RNF10: variants seen among roughly 807,000 people sequenced by gnomAD.
The protein encoded by RNF10 is E3 ubiquitin-protein ligase RNF10.
Under a neutral mutation model 91.4 loss-of-function variants are expected in RNF10, and 38 were observed. The ratio of observed to expected loss-of-function variants is 0.42; its 90% CI spans 0.32 to 0.54. RNF10 has a LOEUF of 0.54. RNF10 is among the 20% of genes least tolerant of loss of function. The probability of loss-of-function intolerance (pLI) is 0.16; values close to 1 mark genes in which losing one functional copy is unlikely to be tolerated. For missense variants in RNF10, 945 were observed against 1,012.0 expected, an observed-to-expected ratio of 0.93 and a Z score of 0.90; for synonymous variants, 364 against 366.3, an observed-to-expected ratio of 0.99 and a Z score of 0.07.
chr12:120,554,385 G>A lies in RNF10; in HGVS notation c.555-333G>A. On this transcript the variant is annotated intron_variant, in intron 3 of 16. Coordinates refer to ENST00000325954, the MANE Select transcript of RNF10 (RefSeq NM_014868.5). ...GCCTTGAAGACTAGCCATTTTCTGG[G>A]GTTCTAAGGGGTGAGAGAGGAAATC... The A allele has an allele frequency of 8.1e-6, 2 of 246,758 alleles. 1 individual carries two copies. Among genetic ancestry groups the A allele is most frequent in the South Asian group, 9.2e-5 (2 of 21,804 alleles). The allele number at this position is 246,758 out of a possible 1,614,324, so 15.3% of individuals were successfully genotyped here.
rs1874710946 is a variant in RNF10, at chr12:120,560,665, T to G, written c.968-61T>G. The G allele has an allele frequency of 2.1e-5, 32 of 1,518,556 alleles. 1 individual carries two copies. In the South Asian group the frequency reaches 3.9e-4, roughly 18 times the overall value. 94.1% of individuals were successfully genotyped at this position (1,518,556 alleles called of 1,614,324 possible). On this transcript the variant is annotated intron_variant, in intron 6 of 16. Coordinates refer to ENST00000325954, the MANE Select transcript of RNF10 (RefSeq NM_014868.5). ...AAGGCTGTATTTGAAAATTCCTATT[T>G]AGCTACACCATCGTGAGCTTTGAAT... is the stretch of plus-strand genomic sequence containing the variant.
chr12:120,552,623 G>A lies in RNF10; in HGVS notation c.479G>A (p.Ser160Asn). 1 of 1,614,200 alleles carries A rather than the reference G, an allele frequency of 6.2e-7. No homozygotes were observed. Among genetic ancestry groups the A allele is most frequent in the Non-Finnish European group, 8.5e-7 (1 of 1,180,038 alleles). The change falls in exon 3 of 17, where the codon AGT becomes AAT. Residue 160 changes from serine to asparagine, a missense_variant. Coordinates refer to ENST00000325954, the MANE Select transcript of RNF10 (RefSeq NM_014868.5). ...GGCCAGACGGGTCACTTTGAAGGCA[G>A]TGGACATGGTAGCTGGGGAAAGAGG... ...PRGQTGHFEGSGHGSWGKRNK... is the reference protein window; with the variant it reads ...PRGQTGHFEGNGHGSWGKRNK...
At chr12:120,564,629 TCTA>T (rs969323577) in intron 10 of RNF10, among the ~76,000 whole-genome samples, 2 of 152,210 alleles carry the variant, frequency 1.3e-5, no homozygotes, top group East Asian at 1.9e-4. Flanking sequence ...GGCTTCATTT[TCTA>T]CTATTTCAGG....
chr12:120,560,952 A>G (rs1874757462), intron 7 of RNF10, 66 bp downstream of exon 7: 3 of 1,524,862 alleles, frequency 2.0e-6, no homozygotes, highest in Middle Eastern at 1.9e-4. Flanking sequence ...GAAAACCAGA[A>G]ATGCTAAACC....
intron 6 of RNF10, among the ~76,000 whole-genome samples, chr12:120,558,429 T>TGC (rs1244439985): frequency 8.6e-5 from 13 of 151,596 alleles, no homozygotes; most frequent in Non-Finnish European, 1.6e-4. Flanking sequence ...TTTAGCAACT[T>TGC]AAAACATTAA....
At chr12:120,536,746 C>G (rs948943727) in intron 1 of RNF10, among the ~76,000 whole-genome samples, 2 of 152,152 alleles carry the variant, frequency 1.3e-5, no homozygotes, top group Admixed American at 6.6e-5. Context: ...GTACTCTATT[C>G]CCAGATGTAT....
rs1198066241 is a variant in RNF10 at position 120,576,584 on chromosome 12, C to T, written c.2360-6C>T. ...AGTTAAGCTGTCTTTCTGTGTCTCC[C>T]TTTAGAAGAGAAAGGAGGAAAGAAA... On this transcript the variant is annotated splice_region_variant and splice_polypyrimidine_tract_variant and intron_variant, in intron 16 of 16. Coordinates refer to ENST00000325954, the MANE Select transcript of RNF10 (RefSeq NM_014868.5). 1.2e-6 allele frequency: 2 copies of T among 1,613,220 alleles called. No homozygotes were observed. Among genetic ancestry groups the T allele is most frequent in the Non-Finnish European group, 1.7e-6 (2 of 1,179,664 alleles).
intron 7 of RNF10, 87 bp downstream of exon 7, chr12:120,560,973 G>A (rs1874760486): frequency 7.4e-7 from 1 of 1,355,524 alleles, no homozygotes; most frequent in African/African-American, 1.4e-5. Flanking sequence ...TTTTCACTCT[G>A]TCGGGGGTGA....
intron 1 of RNF10, among the ~76,000 whole-genome samples, chr12:120,540,755 AG>A (rs1431695888): frequency 6.6e-6 from 1 of 152,146 alleles, no homozygotes; most frequent in African/African-American, 2.4e-5. Context: ...CTGTCTTATC[AG>A]TGAGCATTTC....
intron 2 of RNF10, among the ~76,000 whole-genome samples, chr12:120,546,932 T>A (rs1872425665): frequency 6.6e-6 from 1 of 152,222 alleles, no homozygotes; most frequent in Non-Finnish European, 1.5e-5. Context: ...GACATTTGCC[T>A]TTGTAATCTA....
At chr12:120,543,578 G>C (rs1289315282) in intron 1 of RNF10, among the ~76,000 whole-genome samples, 1 of 152,160 alleles carries the variant, frequency 6.6e-6, no homozygotes, top group Non-Finnish European at 1.5e-5. Context: ...GAGGCTGGTG[G>C]ATCGCTTGAG....
chr12:120,534,765 C>T lies in RNF10; in HGVS notation c.-47C>T, dbSNP rs1247728746. The T allele has an allele frequency of 6.6e-7, 1 of 1,520,282 alleles. No homozygotes were observed. The highest frequency in any genetic ancestry group is 8.8e-7 in the Non-Finnish European group (1 of 1,141,586). The allele number at this position is 1,520,282 out of a possible 1,614,324, so 94.2% of individuals were successfully genotyped here. A position where few individuals can be genotyped will look rare whatever the true frequency, so the allele number is the denominator to read the frequency against. ...TGAACGCCATGAGCCTGGGTCCCCG[C>T]CGCGCCCGCTCCGCTCCGACTGCCG... On this transcript the variant is annotated 5_prime_UTR_variant, in exon 1 of 17. Coordinates refer to ENST00000325954, the MANE Select transcript of RNF10 (RefSeq NM_014868.5).
rs1870473373 is a variant in RNF10, at chr12:120,534,749, T to G, written c.-63T>G. The G allele has an allele frequency of 2.7e-6, 4 of 1,494,048 alleles. No homozygotes were observed. Among genetic ancestry groups the G allele is most frequent in the Non-Finnish European group, 3.5e-6 (4 of 1,131,470 alleles). The allele number at this position is 1,494,048 out of a possible 1,614,324, so 92.5% of individuals were successfully genotyped here. A position where few individuals can be genotyped will look rare whatever the true frequency, so the allele number is the denominator to read the frequency against. ...CGACCCCCGCCGGCCCTGAACGCCA[T>G]GAGCCTGGGTCCCCGCCGCGCCCGC... On this transcript the variant is annotated 5_prime_UTR_variant, in exon 1 of 17. An upstream start codon of the reference 5' UTR is lost. Transcript: ENST00000325954.
chr12:120,538,418 T>C (rs1392446427), intron 1 of RNF10, among the ~76,000 whole-genome samples: 1 of 152,198 alleles, frequency 6.6e-6, no homozygotes, highest in African/African-American at 2.4e-5. Flanking sequence ...TAAATTTGGC[T>C]ACCAGGATTT....
intron 2 of RNF10, among the ~76,000 whole-genome samples, chr12:120,549,845 G>A (rs368535783): frequency 6.6e-6 from 1 of 152,142 alleles, no homozygotes; most frequent in South Asian, 2.1e-4. Context: ...GTGGGCAGTG[G>A]ACCACAGGAT....
At position 120,565,056 on chromosome 12, in the gene RNF10, C is replaced by T. The variant is rs1875481425; in HGVS notation, c.1666-16C>T. 3 of 1,577,862 alleles carry T rather than the reference C, an allele frequency of 1.9e-6. No individual in the cohort carries two copies. Among genetic ancestry groups the T allele is most frequent in the Admixed American group, 1.7e-5 (1 of 59,910 alleles). The stretch of plus-strand genomic sequence containing the variant: ...AGGCTTGCTTTTGTTGAGTATTGGT[C>T]CTTTTTCCAATGTAGGATGTTCGAC... On this transcript the variant is annotated splice_polypyrimidine_tract_variant and intron_variant, in intron 10 of 16. Transcript: ENST00000325954.
chr12:120,543,766 C>T (rs1290378299), intron 1 of RNF10, among the ~76,000 whole-genome samples: 1 of 152,162 alleles, frequency 6.6e-6, no homozygotes, highest in East Asian at 1.9e-4. Flanking sequence ...TGCCACTGCA[C>T]TCCAGCCTGG....
At position 120,554,826 on chromosome 12, in the gene RNF10, G is replaced by T; in HGVS notation, c.645+18G>T. On this transcript the variant is annotated intron_variant, in intron 4 of 16. Coordinates refer to ENST00000325954, the MANE Select transcript of RNF10 (RefSeq NM_014868.5). ...AACAAGTGGTGAGTAGCTCAGCCAA[G>T]CCCATAAGCTATGAATGGGAGCACT... 1 of 1,596,642 alleles carries T rather than the reference G, an allele frequency of 6.3e-7. No homozygotes were observed. The highest frequency in any genetic ancestry group is 2.2e-5 in the East Asian group (1 of 44,778).
intron 1 of RNF10, among the ~76,000 whole-genome samples, chr12:120,541,878 T>TC (rs1057204567): frequency 6.6e-6 from 1 of 151,786 alleles, no homozygotes; most frequent in African/African-American, 2.4e-5. Flanking sequence ...TTTTTCTTTT[T>TC]TTTTTTGAGA....
Sources: allele counts gnomAD v4.1 joint callset (sites outside exome capture counted in the v4.1 genomes callset), GRCh38; gene constraint gnomAD v4.1.1; transcripts MANE v1.5; gene names NCBI Gene and HGNC (gene_info 2026-07-23, HGNC 2026-07-21).